MYH15: variants seen among roughly 807,000 people sequenced by gnomAD.
MYH15 encodes myosin heavy chain 15, also known as myosin-15.
In MYH15, 227 loss-of-function variants were observed where a neutral mutation model predicts 240.5. The ratio of observed to expected loss-of-function variants is 0.94; its 90% CI spans 0.85 to 1.05. The LOEUF (loss-of-function observed/expected upper bound fraction) is 1.05. Ranked by LOEUF, MYH15 falls within the 50% of genes least tolerant of loss-of-function variation. The pLI is 0.00. For synonymous variants in MYH15, 785 were observed against 796.7 expected, an observed-to-expected ratio of 0.99 and a Z score of 0.25; for missense variants, 2,217 against 2,247.5, an observed-to-expected ratio of 0.99 and a Z score of 0.27.
At chr3:108,485,954 A>G (rs1447595867) in intron 10 of MYH15, among the ~76,000 whole-genome samples, 1 of 152,260 alleles carries the variant, frequency 6.6e-6, no homozygotes, top group Non-Finnish European at 1.5e-5. Context: ...AATAAACAAC[A>G]GGACAAATGC....
upstream of MYH15, among the ~76,000 whole-genome samples, chr3:108,531,515 T>C (rs188788702): frequency 1.3e-5 from 2 of 152,012 alleles, no homozygotes; most frequent in Admixed American, 6.5e-5. Flanking sequence ...ATAACATAGG[T>C]AAGAGAGAAT....
rs375213093 is a variant in MYH15, at chr3:108,410,722, G to A, written c.4356C>T (p.His1452=). 8.7e-6 allele frequency: 14 copies of A among 1,614,026 alleles called. No individual in the cohort carries two copies. Among genetic ancestry groups the A allele is most frequent in the Admixed American group, 5.0e-5 (3 of 60,006 alleles). ...CATCCAGCAACGCCTGGGACTCCTC[G>A]TGCTTCTGCTTCCAGTCGGCAAGGG... is the stretch of plus-strand genomic sequence containing the variant. The part of the protein sequence containing the change: ...GKALADWKQK[H]EESQALLDAS... The change falls in exon 31 of 41, where the codon CAC becomes CAT. Residue 1452 remains histidine, a synonymous_variant. Transcript: ENST00000693548.
intron 28 of MYH15, among the ~76,000 whole-genome samples, chr3:108,418,870 C>G (rs2082658274): frequency 6.6e-6 from 1 of 152,182 alleles, no homozygotes; most frequent in Admixed American, 6.5e-5. Context: ...CCTGCCTCAG[C>G]CTCCCAAATG....
upstream of MYH15, among the ~76,000 whole-genome samples, chr3:108,511,042 C>T (rs956322402): frequency 1.5e-4 from 23 of 152,074 alleles, no homozygotes; most frequent in Admixed American, 1.1e-3. Flanking sequence ...TGCCACCCTG[C>T]GCCATGGAGT....
chr3:108,425,380 C>G (rs189672135), intron 27 of MYH15, among the ~76,000 whole-genome samples: 2 of 152,024 alleles, frequency 1.3e-5, no homozygotes, highest in East Asian at 3.9e-4. Flanking sequence ...AAATACTTTA[C>G]AAATATTAAT....
intron 14 of MYH15, among the ~76,000 whole-genome samples, chr3:108,468,860 C>T (rs1170348436): frequency 1.3e-5 from 2 of 152,116 alleles, no homozygotes; most frequent in Non-Finnish European, 1.5e-5. Context: ...GTGACAATCG[C>T]CAGAAGATAA....
At chr3:108,464,845 C>A in intron 14 of MYH15, 31 bp from the exon 15 acceptor site, 1 of 1,542,616 alleles carries the variant, frequency 6.5e-7, no homozygotes, top group Non-Finnish European at 8.7e-7. Context: ...CAGCAGATTT[C>A]TTTAAAAACA....
Position 108,469,339 on chromosome 3 carries a change from A to C in MYH15, c.1554+703T>G, listed in dbSNP as rs1325116880. Among the ~76,000 whole-genome samples, 3 of 152,238 alleles carry C rather than the reference A, an allele frequency of 2.0e-5. No homozygotes were observed. The East Asian group carries it at 5.8e-4, about 29-fold the overall frequency. On this transcript the variant is annotated intron_variant, in intron 14 of 40. Coordinates refer to ENST00000693548, the MANE Select transcript of MYH15 (RefSeq NM_014981.3). ...CAATCCACGATTATGGCGAGGCCCA[A>C]GAGGCATGTAACTGCTAACATGCCG...
At chr3:108,416,985 CTTCACT>C (rs1214527023) in intron 28 of MYH15, 55 bp from the exon 29 acceptor site, 13 of 1,320,178 alleles carry the variant, frequency 9.8e-6, no homozygotes, top group African/African-American at 1.5e-5. Context: ...CTATTGCCTC[CTTCACT>C]TGACTTACTG....
At chr3:108,543,121 C>T in the MYH15 span, among the ~76,000 whole-genome samples, 5 of 152,182 alleles carry the variant, frequency 3.3e-5, no homozygotes, top group Non-Finnish European at 5.9e-5. Flanking sequence ...CCTTGTGATC[C>T]GCCCGCCTTG....
At chr3:108,397,686 T>G (rs1477388935) in intron 35 of MYH15, among the ~76,000 whole-genome samples, 4 of 152,230 alleles carry the variant, frequency 2.6e-5, no homozygotes, top group Non-Finnish European at 5.9e-5. Flanking sequence ...GATCTAAGAA[T>G]TCTTGCTTCG....
chr3:108,493,098 T>C lies in MYH15; in HGVS notation c.775+16A>G. ...AGAAAAGAAAAAAGTAATCAGACAGTGCAATGACTACTTACAGATATCAAT... is the reference window on the plus strand; with the variant it reads ...AGAAAAGAAAAAAGTAATCAGACAGCGCAATGACTACTTACAGATATCAAT... On this transcript the variant is annotated intron_variant, in intron 8 of 40. Coordinates refer to ENST00000693548, the MANE Select transcript of MYH15 (RefSeq NM_014981.3). 1 of 1,609,114 alleles carries C rather than the reference T, an allele frequency of 6.2e-7. No individual in the cohort carries two copies. The highest frequency in any genetic ancestry group is 8.5e-7 in the Non-Finnish European group (1 of 1,175,778).
chr3:108,398,507 C>A, intron 35 of MYH15, 130 bp downstream of exon 35: 1 of 666,264 alleles, frequency 1.5e-6, no homozygotes, highest in Admixed American at 2.4e-5. Context: ...AGAGTATGAA[C>A]ATGCCTTGCT....
Position 108,428,622 on chromosome 3 carries a change from C to T in MYH15, c.3572G>A (p.Ser1191Asn), listed in dbSNP as rs867794998. The T allele has an allele frequency of 1.2e-6, 2 of 1,613,854 alleles. No individual in the cohort carries two copies. The highest frequency in any genetic ancestry group is 8.5e-7 in the Non-Finnish European group (1 of 1,180,008). The change falls in exon 27 of 41, where the codon AGC becomes AAC. Residue 1191 changes from serine (S) to asparagine (N), a missense_variant. Transcript: ENST00000693548. ...TACCTGGCCCTCGAGCTCAGCCAGGCTGTCTGCATGTCTCTTCTTCAAAGA... is the reference window on the plus strand; with the variant it reads ...TACCTGGCCCTCGAGCTCAGCCAGGTTGTCTGCATGTCTCTTCTTCAAAGA... ...SASLKKRHADSLAELEGQVEN... is the reference protein window; with the variant it reads ...SASLKKRHADNLAELEGQVEN...
intron 19 of MYH15, 49 bp downstream of exon 19, chr3:108,456,717 A>G: frequency 7.3e-7 from 1 of 1,362,298 alleles, no homozygotes; most frequent in South Asian, 1.2e-5. Flanking sequence ...AAGGGAGGAA[A>G]ACAGAATGAA....
chr3:108,404,644 T>A (rs981497364), intron 33 of MYH15, among the ~76,000 whole-genome samples: 1 of 152,124 alleles, frequency 6.6e-6, no homozygotes, highest in African/African-American at 2.4e-5. Context: ...AAGAAAACAT[T>A]CTGCAACCCA....
At chr3:108,454,806 T>G (rs1260646004) in intron 20 of MYH15, among the ~76,000 whole-genome samples, 1 of 152,182 alleles carries the variant, frequency 6.6e-6, no homozygotes, top group Non-Finnish European at 1.5e-5. Context: ...GCACTAAGTG[T>G]GAGAGTGCCC....
At chr3:108,474,462 T>A (rs1403340408) in intron 12 of MYH15, among the ~76,000 whole-genome samples, 5 of 150,468 alleles carry the variant, frequency 3.3e-5, no homozygotes, top group African/African-American at 1.2e-4. Flanking sequence ...TTATTTTTTT[T>A]TTTATTTTTT....
chr3:108,399,814 TA>T, intron 33 of MYH15, among the ~76,000 whole-genome samples: 1 of 152,154 alleles, frequency 6.6e-6, no homozygotes, highest in Non-Finnish European at 1.5e-5. Flanking sequence ...AGTTTGAGAG[TA>T]CACCCAAGGA....
Sources: gnomAD v4.1 joint callset for allele counts (sites outside exome capture counted in the v4.1 genomes callset) on GRCh38, gnomAD v4.1.1 for gene constraint, MANE v1.5 for transcripts, NCBI Gene and HGNC (gene_info 2026-07-23, HGNC 2026-07-21) for gene names.